The following RABL2B variants were observed in gnomAD, a reference collection of about 807,000 sequenced individuals.
RABL2B encodes RAB, member of RAS oncogene family like 2B, also known as rab-like protein 2B.
A neutral mutation model predicts 26.7 loss-of-function variants in RABL2B; 17 were observed. The ratio of observed to expected loss-of-function variants is 0.64; its 90% confidence interval spans 0.44 to 0.95. The LOEUF (loss-of-function observed/expected upper bound fraction) is 0.95, where lower values mean the gene tolerates loss of function less well. Among genes scored for constraint, RABL2B ranks in the 40% least tolerant of loss-of-function variants. The pLI is 0.00. For missense variants in RABL2B, 170 were observed against 277.2 expected, an observed-to-expected ratio of 0.61 and a Z score of 2.75; for synonymous variants, 70 against 103.9, an observed-to-expected ratio of 0.67 and a Z score of 1.99.
chr22:50,783,192 C>CT (rs2086166053), intron 1 of RABL2B: 1 of 169,400 alleles, frequency 5.9e-6, no homozygotes, highest in Admixed American at 6.3e-5. Context: ...CCTCCAACTC[C>CT]TGGACTCAAG....
intron 3 of RABL2B, among the ~76,000 whole-genome samples, chr22:50,777,260 C>T (rs551225150): frequency 3.3e-4 from 50 of 152,310 alleles, no homozygotes; most frequent in Non-Finnish European, 5.6e-4. Context: ...TCCGAGGCTG[C>T]AAGAAGCCGG....
intron 5 of RABL2B, among the ~76,000 whole-genome samples, chr22:50,774,750 T>C (rs1555922001): frequency 4.0e-5 from 6 of 151,750 alleles, no homozygotes; most frequent in African/African-American, 1.2e-4. Flanking sequence ...TCTATTACTT[T>C]CTGCATTGTT....
At chr22:50,775,078 C>A (rs2084771961) in intron 5 of RABL2B, among the ~76,000 whole-genome samples, 1 of 152,156 alleles carries the variant, frequency 6.6e-6, no homozygotes. Flanking sequence ...CGTGCCCAGC[C>A]ATGAAAATGT....
chr22:50,775,812 A>G lies in RABL2B; in HGVS notation c.257T>C (p.Met86Thr). The stretch of plus-strand genomic sequence containing the variant: ...GGCCTTGTGGTAGTAGGAGGCATGC[A>G]TGCTCTGGAACCGCTCCTGGCCTGC... ...DTAGQERFQS[M>T]HASYYHKAHA... Residue 86 changes from methionine (M) to threonine (T), a missense_variant, in exon 5 of 9, where the codon ATG becomes ACG. Met to Thr is a moderately conservative substitution (Grantham distance 81). Around this residue, in one of 2 missense-constraint regions of RABL2B, gnomAD observed 165 missense variants for 232.0 expected, o/e 0.71. Transcript: ENST00000691320. The G allele has an allele frequency of 6.2e-7, 1 of 1,614,182 alleles. No individual in the cohort carries two copies. The highest frequency in any genetic ancestry group is 8.5e-7 in the Non-Finnish European group (1 of 1,180,028).
At chr22:50,770,792 C>T (rs1201392490) in intron 5 of RABL2B, among the ~76,000 whole-genome samples, 4 of 151,824 alleles carry the variant, frequency 2.6e-5, no homozygotes, top group African/African-American at 9.7e-5. Flanking sequence ...CACTGTCACC[C>T]AGGCTAGAAT....
chr22:50,768,068 C>T lies in RABL2B; in HGVS notation c.*708G>A, dbSNP rs571663103. 190 of 223,840 alleles carry T rather than the reference C, an allele frequency of 8.5e-4. No homozygotes were observed. Among genetic ancestry groups the T allele is most frequent in the African/African-American group, 4.3e-3 (180 of 41,810 alleles). The allele number at this position is 223,840 out of a possible 1,614,324, so 13.9% of individuals were successfully genotyped here. A position where few individuals can be genotyped will look rare whatever the true frequency, so the allele number is the denominator to read the frequency against. ...AGGAGATCGAGACCATCCTGGGCAA[C>T]ATGGTGAAACCCCGTCTCTACTAAA... On this transcript the variant is annotated 3_prime_UTR_variant, in exon 9 of 9. Transcript: ENST00000691320.
rs117394887 is a variant in RABL2B, at chr22:50,773,329, C to T, written c.297+2443G>A. 1.2e-3 allele frequency among the ~76,000 whole-genome samples: 182 copies of T among 152,244 alleles called. 3 individuals carry two copies. The East Asian group carries it at 0.032, about 27-fold the overall frequency. ...AGGGATTTTGTTCTCAAGGGGCAGT[C>T]GGGGGAATTAGGTGATGAGTTCCTT... is the stretch of plus-strand genomic sequence containing the variant. On this transcript the variant is annotated intron_variant, in intron 5 of 8. Transcript: ENST00000691320.
chr22:50,770,345 G>A (rs192592803), intron 5 of RABL2B: 12 of 325,344 alleles, frequency 3.7e-5, no homozygotes, highest in African/African-American at 1.1e-4. Flanking sequence ...GTGAAATTCC[G>A]TCTCTACTAA....
At chr22:50,781,200 T>C (rs1184432211) in intron 2 of RABL2B, among the ~76,000 whole-genome samples, 5 of 151,882 alleles carry the variant, frequency 3.3e-5, no homozygotes, top group Admixed American at 6.6e-5. Flanking sequence ...TAAAATTAGC[T>C]GGGTGTGGTG....
chr22:50,783,413 G>A (rs1230248803), intron 1 of RABL2B, 88 bp downstream of exon 1: 2 of 152,218 alleles, frequency 1.3e-5, no homozygotes, highest in African/African-American at 2.4e-5. Context: ...CCCCCGACCC[G>A]GACGCCCTCT....
rs1252639976 is a variant in RABL2B, at chr22:50,775,388, C to G, written c.297+384G>C. Among the ~76,000 whole-genome samples the G allele has an allele frequency of 3.9e-5, 6 of 152,274 alleles. No individual in the cohort carries two copies. In the East Asian group the frequency reaches 5.8e-4, roughly 15 times the overall value. ...TTCTCTGGGACCCGCAGCATCTACT[C>G]AGTCCCAGCGTGCGCCCCCTAGGGA... On this transcript the variant is annotated intron_variant, in intron 5 of 8. Transcript: ENST00000691320.
rs1276768063 is a variant in RABL2B at position 50,768,186 on chromosome 22, G to A, written c.*590C>T. 1 of 198,916 alleles carries A rather than the reference G, an allele frequency of 5.0e-6. No individual in the cohort carries two copies. Among genetic ancestry groups the A allele is most frequent in the Non-Finnish European group, 1.0e-5 (1 of 95,730 alleles). 12.3% of individuals were successfully genotyped at this position (198,916 alleles called of 1,614,324 possible). On this transcript the variant is annotated 3_prime_UTR_variant, in exon 9 of 9. Transcript: ENST00000691320. ...ACCAGGGAGTCAGAGGTTGCAGCGAGCCGAGACTGCGCCACTGCACTCCAG... is the reference window on the plus strand; with the variant it reads ...ACCAGGGAGTCAGAGGTTGCAGCGAACCGAGACTGCGCCACTGCACTCCAG...
intron 5 of RABL2B, 172 bp from the exon 6 acceptor site, chr22:50,770,188 C>G: frequency 1.2e-6 from 1 of 827,230 alleles, no homozygotes; most frequent in Non-Finnish European, 1.9e-6. Flanking sequence ...CAGGGAAGCC[C>G]CCTGGAGCCT....
rs782577902 is a variant in RABL2B, at chr22:50,776,679, T to G, written c.208A>C (p.Ile70Leu). The change falls in exon 4 of 9, where the codon ATC becomes CTC. Residue 70 changes from isoleucine (I) to leucine (L), a missense_variant. Around this residue, in one of 2 missense-constraint regions of RABL2B, gnomAD observed 165 missense variants for 232.0 expected, o/e 0.71. Coordinates refer to ENST00000691320, the MANE Select transcript of RABL2B (RefSeq NM_001130919.3). ...KHTATVDGRT[I>L]LVDFWDTAGQ... ...GCCCTGTGCCACTTACCCACAAGGA[T>G]GGTCCTTCCATCTACCGTGGCTGTG... 92 of 1,610,670 alleles carry G rather than the reference T, an allele frequency of 5.7e-5. No homozygotes were observed. The highest frequency in any genetic ancestry group is 7.6e-5 in the Non-Finnish European group (90 of 1,178,380).
chr22:50,771,630 T>G (rs2147031616), intron 5 of RABL2B: 1 of 150,856 alleles, frequency 6.6e-6, no homozygotes, highest in South Asian at 2.1e-4. Flanking sequence ...TTTTGTTTTT[T>G]GAGATAGGGT....
rs544049882 is a variant in RABL2B at position 50,768,514 on chromosome 22, G to C, written c.*262C>G. ...TCTCTTCACTGTCTGCCTGCGGGGAGGGGGTGGGGAAGGTGTTAATGATGC... is the reference window on the plus strand; with the variant it reads ...TCTCTTCACTGTCTGCCTGCGGGGACGGGGTGGGGAAGGTGTTAATGATGC... On this transcript the variant is annotated 3_prime_UTR_variant, in exon 9 of 9. Transcript: ENST00000691320. The C allele has an allele frequency of 9.7e-6, 7 of 721,824 alleles. No individual in the cohort carries two copies. In the African/African-American group the frequency reaches 1.3e-4, roughly 13 times the overall value. The allele number at this position is 721,824 out of a possible 1,614,324, so 44.7% of individuals were successfully genotyped here.
At chr22:50,781,269 G>A (rs536969825) in intron 2 of RABL2B, among the ~76,000 whole-genome samples, 3 of 151,744 alleles carry the variant, frequency 2.0e-5, no homozygotes, top group South Asian at 2.1e-4. Context: ...GCGTGAACCC[G>A]GGAGGCGGAG....
At chr22:50,779,723 C>G (rs1313593434) in intron 2 of RABL2B, among the ~76,000 whole-genome samples, 3 of 152,188 alleles carry the variant, frequency 2.0e-5, no homozygotes, top group African/African-American at 7.2e-5. Flanking sequence ...GTGGCTCACA[C>G]CTGTAATCCC....
At chr22:50,770,344 C>T (rs1434785571) in intron 5 of RABL2B, 10 of 324,318 alleles carry the variant, frequency 3.1e-5, no homozygotes, top group South Asian at 1.1e-4. Context: ...GGTGAAATTC[C>T]GTCTCTACTA....
Sources: gnomAD v4.1 joint callset for allele counts (sites outside exome capture counted in the v4.1 genomes callset) on GRCh38, gnomAD v4.1.1 for gene constraint, gnomAD v4.1.1 regional missense constraint, MANE v1.5 for transcripts, NCBI Gene and HGNC (gene_info 2026-07-23, HGNC 2026-07-21) for gene names.